SLC29A3: variants seen among roughly 807,000 people sequenced by gnomAD.
SLC29A3 encodes solute carrier family 29 member 3.
Under a neutral mutation model 25.4 loss-of-function variants are expected in SLC29A3, and 18 were observed. The ratio of observed to expected loss-of-function variants is 0.71; its 90% confidence interval spans 0.49 to 1.05. The LOEUF is 1.05. SLC29A3 is among the 50% of genes least tolerant of loss of function. The pLI, the probability that SLC29A3 is intolerant of heterozygous loss-of-function variation, is 0.00. For missense variants in SLC29A3, 586 were observed against 609.0 expected, an observed-to-expected ratio of 0.96 and a Z score of 0.40; for synonymous variants, 258 against 267.1, an observed-to-expected ratio of 0.97 and a Z score of 0.33.
At chr10:71,374,045 G>C (rs112107680) in intron 3 of SLC29A3, among the ~76,000 whole-genome samples, 12,494 of 152,270 alleles carry the variant, frequency 0.082, 596 homozygotes, top group African/African-American at 0.13. Context: ...GAAGGGAGAA[G>C]ATATTTTAAG....
chr10:71,339,916 C>T (rs1305054912), intron 2 of SLC29A3, among the ~76,000 whole-genome samples: 4 of 152,118 alleles, frequency 2.6e-5, no homozygotes, highest in East Asian at 1.9e-4. Flanking sequence ...TCCACCTCCC[C>T]GAGGGCACGC....
At chr10:71,374,650 C>T (rs1036059484) in intron 3 of SLC29A3, among the ~76,000 whole-genome samples, 5 of 152,160 alleles carry the variant, frequency 3.3e-5, no homozygotes, top group Non-Finnish European at 5.9e-5. Flanking sequence ...CCTCAGCTGG[C>T]AGCGGGAGAA....
chr10:71,346,545 T>G lies in SLC29A3; in HGVS notation c.383+2254T>G, dbSNP rs1007590744. Reference sequence around the variant, plus strand: ...AAGATACTGTTTCTACAAAAATAAATTTTTAAAAAATTAGCCTGGCACGGT... The same window carrying G: ...AAGATACTGTTTCTACAAAAATAAAGTTTTAAAAAATTAGCCTGGCACGGT... On this transcript the variant is annotated intron_variant, in intron 3 of 5. Coordinates refer to ENST00000373189, the MANE Select transcript of SLC29A3 (RefSeq NM_018344.6). Among the ~76,000 whole-genome samples the G allele has an allele frequency of 3.3e-5, 5 of 152,114 alleles. No individual in the cohort carries two copies. In the East Asian group the frequency reaches 9.6e-4, roughly 29 times the overall value.
At chr10:71,319,448 C>G (rs1050923963) in intron 1 of SLC29A3, 138 bp downstream of exon 1, 1 of 460,986 alleles carries the variant, frequency 2.2e-6, no homozygotes, top group East Asian at 3.6e-5. Context: ...CATCCGTGGT[C>G]CCTTCCCCAC....
chr10:71,370,531 A>G (rs1847203279), intron 3 of SLC29A3, among the ~76,000 whole-genome samples: 2 of 152,098 alleles, frequency 1.3e-5, no homozygotes, highest in African/African-American at 2.4e-5. Flanking sequence ...TATTTATTAT[A>G]TATATTTTAA....
At position 71,322,800 on chromosome 10, in the gene SLC29A3, A is replaced by G; in HGVS notation, c.46A>G (p.Thr16Ala). The G allele has an allele frequency of 6.2e-7, 1 of 1,614,020 alleles. No individual in the cohort carries two copies. The highest frequency in any genetic ancestry group is 2.2e-5 in the East Asian group (1 of 44,870). ...EDDFQHSSNS[T>A]YRTTSSSLRA... The stretch of plus-strand genomic sequence containing the variant: ...CGACTTTCAGCACAGTTCAAACTCC[A>G]CCTACAGAACCACAAGCAGCAGTCT... The change falls in exon 2 of 6, where the codon ACC becomes GCC. Residue 16 changes from threonine (T) to alanine (A), a missense_variant. Coordinates refer to ENST00000373189, the MANE Select transcript of SLC29A3 (RefSeq NM_018344.6).
At chr10:71,332,903 C>G (rs146676912) in intron 2 of SLC29A3, among the ~76,000 whole-genome samples, 1 of 152,346 alleles carries the variant, frequency 6.6e-6, no homozygotes, top group East Asian at 1.9e-4. Context: ...CTCTAGTTCT[C>G]TTCTTATTTT....
At chr10:71,322,623 A>T (rs1845870857) in intron 1 of SLC29A3, 133 bp from the exon 2 acceptor site, 2 of 1,041,040 alleles carry the variant, frequency 1.9e-6, no homozygotes, top group Non-Finnish European at 3.0e-6. Flanking sequence ...CTCTCCAACC[A>T]GGCTTTGGTG....
At chr10:71,352,614 C>T (rs1335351839) in intron 4 of SLC29A3, 1 of 152,374 alleles carries the variant, frequency 6.6e-6, no homozygotes, top group East Asian at 1.9e-4. Context: ...GCACCAGTCC[C>T]CTCGGAGCTG....
chr10:71,324,743 G>A (rs1306477421), intron 2 of SLC29A3, among the ~76,000 whole-genome samples: 1 of 152,154 alleles, frequency 6.6e-6, no homozygotes, highest in African/African-American at 2.4e-5. Context: ...AATGCCCTGA[G>A]TATATGGAGG....
chr10:71,339,779 T>C (rs920943911), intron 2 of SLC29A3, among the ~76,000 whole-genome samples: 10 of 152,132 alleles, frequency 6.6e-5, no homozygotes, highest in Non-Finnish European at 1.5e-5. Context: ...CTGCCATATC[T>C]GTCTGACATG....
chr10:71,366,980 T>G (rs1487813057), downstream of SLC29A3, among the ~76,000 whole-genome samples: 1 of 152,180 alleles, frequency 6.6e-6, no homozygotes, highest in Non-Finnish European at 1.5e-5. Flanking sequence ...CGGTCTAGCT[T>G]TGACTCCAGC....
intron 2 of SLC29A3, among the ~76,000 whole-genome samples, chr10:71,330,115 GCC>G (rs1445106057): frequency 6.6e-6 from 1 of 152,236 alleles, no homozygotes; most frequent in Non-Finnish European, 1.5e-5. Flanking sequence ...GCCAGTGGTG[GCC>G]CCTGGAAGAG....
rs1327926377 is a variant in SLC29A3 at position 71,363,190 on chromosome 10, A to G, written c.*582A>G. ...ACCCAGAAAGATGGGCCTTCCATGA[A>G]TGCTTCATTCCAGAGGGACCAGAGG... On this transcript the variant is annotated 3_prime_UTR_variant, in exon 6 of 6. Transcript: ENST00000373189. 2.2e-6 allele frequency: 1 copy of G among 448,558 alleles called. No individual in the cohort carries two copies. The highest frequency in any genetic ancestry group is 2.0e-5 in the African/African-American group (1 of 49,554). 27.8% of individuals were successfully genotyped at this position (448,558 alleles called of 1,614,324 possible).
chr10:71,365,854 G>C (rs1847166647), downstream of SLC29A3: 1 of 152,122 alleles, frequency 6.6e-6, no homozygotes, highest in Non-Finnish European at 1.5e-5. Flanking sequence ...TCACCAAAAA[G>C]GAGGGGAGTT....
intron 2 of SLC29A3, among the ~76,000 whole-genome samples, chr10:71,325,451 A>G (rs572984438): frequency 6.6e-6 from 1 of 152,250 alleles, no homozygotes; most frequent in African/African-American, 2.4e-5. Context: ...AAAAATACCA[A>G]TGCGGGCCAC....
chr10:71,322,858 T>G lies in SLC29A3; in HGVS notation c.104T>G (p.Leu35Arg), dbSNP rs531482844. The G allele has an allele frequency of 4.3e-6, 7 of 1,614,208 alleles. No homozygotes were observed. In the African/African-American group the frequency reaches 9.3e-5, roughly 22 times the overall value. Residue 35 changes from leucine to arginine, a missense_variant, in exon 2 of 6, where the codon CTG (leucine) becomes CGG (arginine). Coordinates refer to ENST00000373189, the MANE Select transcript of SLC29A3 (RefSeq NM_018344.6). ...GACCAGGAGGCACTGCTTGAGAAGC[T>G]GCTGGACCGCCCGCCCCCTGGCCTG... is the stretch of plus-strand genomic sequence containing the variant. ...RADQEALLEK[L>R]LDRPPPGLQR...
intron 2 of SLC29A3, among the ~76,000 whole-genome samples, chr10:71,327,733 C>T (rs1846004465): frequency 8.5e-6 from 1 of 117,790 alleles, no homozygotes; most frequent in Non-Finnish European, 1.6e-5. Context: ...ACTTTGACTC[C>T]ACCAAACACC....
chr10:71,343,295 A>G (rs1846464320), intron 2 of SLC29A3, among the ~76,000 whole-genome samples: 1 of 152,174 alleles, frequency 6.6e-6, no homozygotes, highest in Non-Finnish European at 1.5e-5. Context: ...AGGTATATTA[A>G]GAGATAATGC....
Sources: gnomAD v4.1 joint callset for allele counts (sites outside exome capture counted in the v4.1 genomes callset) on GRCh38, gnomAD v4.1.1 for gene constraint, MANE v1.5 for transcripts, NCBI Gene and HGNC (gene_info 2026-07-23, HGNC 2026-07-21) for gene names.